The following SUGCT variants were observed in gnomAD, a reference collection of about 807,000 sequenced individuals.
SUGCT encodes succinyl-CoA:glutarate-CoA transferase.
A neutral mutation model predicts 55.0 loss-of-function variants in SUGCT; 41 were observed. That is an observed-to-expected ratio of 0.74 (90% CI 0.58 to 0.97). SUGCT has a LOEUF of 0.97. SUGCT is among the 50% of genes least tolerant of loss of function. The pLI is 0.00. For missense variants in SUGCT, 568 were observed against 547.8 expected (o/e 1.04, Z -0.37); for synonymous variants, 187 against 200.4 (o/e 0.93, Z 0.56).
At chr7:40,270,816 C>T (rs1008757605) in intron 7 of SUGCT, among the ~76,000 whole-genome samples, 3 of 152,086 alleles carry the variant, frequency 2.0e-5, no homozygotes, top group Non-Finnish European at 2.9e-5. Flanking sequence ...AATATTAAGT[C>T]TTCTGCTCCA....
intron 1 of SUGCT, among the ~76,000 whole-genome samples, chr7:40,137,774 T>C (rs899996338): frequency 9.2e-5 from 14 of 152,138 alleles, no homozygotes; most frequent in Non-Finnish European, 1.8e-4. Flanking sequence ...TCTGCCTCTC[T>C]GGGCTCAAGC....
At chr7:40,357,442 C>T (rs912048602) in intron 9 of SUGCT, among the ~76,000 whole-genome samples, 1 of 152,126 alleles carries the variant, frequency 6.6e-6, no homozygotes, top group Non-Finnish European at 1.5e-5. Flanking sequence ...AAATGTGACC[C>T]TACCACATGC....
chr7:40,387,047 A>G (rs988854920), intron 9 of SUGCT, among the ~76,000 whole-genome samples: 7 of 152,172 alleles, frequency 4.6e-5, no homozygotes, highest in African/African-American at 1.7e-4. Flanking sequence ...CTCTTAGGCC[A>G]CTTCTGTGGT....
chr7:40,707,521 A>G (rs1785486558), intron 12 of SUGCT, among the ~76,000 whole-genome samples: 1 of 152,226 alleles, frequency 6.6e-6, no homozygotes. Context: ...TGGAGAATGT[A>G]TAAATAGACT....
At chr7:40,737,698 T>C (rs1393264265) in intron 12 of SUGCT, among the ~76,000 whole-genome samples, 2 of 152,192 alleles carry the variant, frequency 1.3e-5, no homozygotes, top group Non-Finnish European at 2.9e-5. Context: ...CTGGTATTGA[T>C]TACATTTTTA....
At chr7:40,835,846 T>C (rs1792939051) in intron 13 of SUGCT, among the ~76,000 whole-genome samples, 1 of 152,032 alleles carries the variant, frequency 6.6e-6, no homozygotes, top group Non-Finnish European at 1.5e-5. Context: ...TTTAGTACTT[T>C]CCATTTGGAG....
chr7:40,480,654 T>C (rs1367165695), intron 11 of SUGCT, among the ~76,000 whole-genome samples: 2 of 152,196 alleles, frequency 1.3e-5, no homozygotes, highest in Non-Finnish European at 2.9e-5. Flanking sequence ...GAACATAGGG[T>C]GTATTTCTGT....
At chr7:40,367,291 A>T (rs1475166539) in intron 9 of SUGCT, among the ~76,000 whole-genome samples, 10 of 151,256 alleles carry the variant, frequency 6.6e-5, no homozygotes, top group Non-Finnish European at 1.3e-4. Context: ...GGGGAGGAAT[A>T]GCATTAGGAG....
chr7:40,169,446 G>A (rs967929667), intron 1 of SUGCT, among the ~76,000 whole-genome samples: 2 of 152,132 alleles, frequency 1.3e-5, no homozygotes, highest in South Asian at 2.1e-4. Context: ...GCTCTGTGAG[G>A]GTGATGGCAT....
chr7:40,237,557 G>A (rs533296281), intron 6 of SUGCT, 78 bp from the exon 7 acceptor site: 35 of 1,081,794 alleles, frequency 3.2e-5, no homozygotes, highest in Non-Finnish European at 5.0e-5. Flanking sequence ...GGATACAAAT[G>A]TTTCTAACAC....
chr7:40,369,060 C>T (rs774911982), intron 9 of SUGCT, among the ~76,000 whole-genome samples: 8 of 150,964 alleles, frequency 5.3e-5, no homozygotes, highest in East Asian at 1.9e-4. Flanking sequence ...GCTGAGATCA[C>T]GCCATTGTAC....
At chr7:40,597,343 T>C (rs1468593975) in intron 12 of SUGCT, among the ~76,000 whole-genome samples, 4 of 152,180 alleles carry the variant, frequency 2.6e-5, no homozygotes, top group African/African-American at 4.8e-5. Flanking sequence ...GTTTTTTTTT[T>C]CCTAGAATCT....
At chr7:40,935,688 A>C in the SUGCT span, among the ~76,000 whole-genome samples, 1 of 152,222 alleles carries the variant, frequency 6.6e-6, no homozygotes, top group African/African-American at 2.4e-5. Context: ...ACTATTATGA[A>C]TAATACTGCT....
At chr7:40,917,817 C>T in the SUGCT span, among the ~76,000 whole-genome samples, 1 of 152,112 alleles carries the variant, frequency 6.6e-6, no homozygotes, top group Non-Finnish European at 1.5e-5. Context: ...ATCCCTTTCT[C>T]CTCTCACAAG....
intron 12 of SUGCT, among the ~76,000 whole-genome samples, chr7:40,572,391 T>C (rs1383692770): frequency 6.6e-6 from 1 of 152,178 alleles, no homozygotes; most frequent in East Asian, 1.9e-4. Context: ...TTGGTATCAC[T>C]GGCTCTCAGG....
chr7:40,221,132 T>G (rs570594414), intron 6 of SUGCT, among the ~76,000 whole-genome samples: 70 of 152,234 alleles, frequency 4.6e-4, no homozygotes, highest in African/African-American at 1.6e-3. Context: ...TAAATTATTA[T>G]TATCAGAAAT....
chr7:40,821,377 G>A (rs1342626921), intron 13 of SUGCT, among the ~76,000 whole-genome samples: 1 of 152,160 alleles, frequency 6.6e-6, no homozygotes, highest in Non-Finnish European at 1.5e-5. Flanking sequence ...GAATTCAGCT[G>A]TGAATCCGTC....
chr7:40,543,305 G>A (rs1794805801), intron 12 of SUGCT, among the ~76,000 whole-genome samples: 2 of 152,272 alleles, frequency 1.3e-5, no homozygotes, highest in African/African-American at 4.8e-5. Flanking sequence ...AAAACAGTAT[G>A]TTTTAAAATC....
chr7:40,296,456 A>C (rs1794149599), intron 8 of SUGCT, among the ~76,000 whole-genome samples: 1 of 152,130 alleles, frequency 6.6e-6, no homozygotes, highest in African/African-American at 2.4e-5. Context: ...TAATGTTTGT[A>C]ATAGCACGTG....
Sources: gnomAD v4.1 joint callset for allele counts (sites outside exome capture counted in the v4.1 genomes callset) on GRCh38, gnomAD v4.1.1 for gene constraint, MANE v1.5 for transcripts, NCBI Gene and HGNC (gene_info 2026-07-23, HGNC 2026-07-21) for gene names.